ROBO2: variants seen among roughly 807,000 people sequenced by gnomAD.
ROBO2 encodes the protein roundabout guidance receptor 2, also known as roundabout homolog 2.
A neutral mutation model predicts 160.8 loss-of-function variants in ROBO2; 53 were observed. That is an observed-to-expected ratio of 0.33 (90% CI 0.26 to 0.41). The LOEUF (loss-of-function observed/expected upper bound fraction) is 0.41, where lower values mean the gene tolerates loss of function less well. Ranked by LOEUF, ROBO2 falls within the 10% of genes least tolerant of loss-of-function variation. The probability of loss-of-function intolerance (pLI) is 1.00; values close to 1 mark genes in which losing one functional copy is unlikely to be tolerated. For synonymous variants in ROBO2, 664 were observed against 611.7 expected (o/e 1.09, Z -1.26); for missense variants, 1,577 against 1,722.4 (o/e 0.92, Z 1.49).
chr3:77,596,156 T>C (rs1286012990), intron 18 of ROBO2, among the ~76,000 whole-genome samples: 1 of 152,186 alleles, frequency 6.6e-6, no homozygotes, highest in East Asian at 1.9e-4. Context: ...TAATTTCACT[T>C]CAGTTCCTTG....
At chr3:77,488,716 AT>A (rs1041596348) in intron 4 of ROBO2, among the ~76,000 whole-genome samples, 58 of 152,190 alleles carry the variant, frequency 3.8e-4, no homozygotes, top group African/African-American at 1.4e-3. Context: ...CTTCCTTATA[AT>A]TTTTAAAATT....
chr3:77,468,091 C>T (rs1021596072), intron 2 of ROBO2, among the ~76,000 whole-genome samples: 1 of 152,134 alleles, frequency 6.6e-6, no homozygotes, highest in African/African-American at 2.4e-5. Flanking sequence ...ACAGCAATGC[C>T]ACGTGAACAA....
In ROBO2 at chr3:76,478,799, C is replaced by CA. The variant is rs568437525; in HGVS notation, c.109+541199dup. 1.9e-3 allele frequency among the ~76,000 whole-genome samples: 286 copies of CA among 151,728 alleles called. 1 individual carries two copies. Among genetic ancestry groups the CA allele is most frequent in the African/African-American group, 6.7e-3 (278 of 41,346 alleles). Reference sequence around the variant, plus strand: ...AAGCAATCCTCCCACCTTAACCTCCCAAGTAGCTGGGACTACAGGCCTGTC... The same window carrying CA: ...AAGCAATCCTCCCACCTTAACCTCCCAAAGTAGCTGGGACTACAGGCCTGTC... On this transcript the variant is annotated intron_variant, in intron 2 of 26. Transcript: ENST00000487694.
chr3:76,640,017 T>A lies in ROBO2; in HGVS notation c.110-457997T>A, dbSNP rs150694850. On this transcript the variant is annotated intron_variant, in intron 2 of 26. Transcript: ENST00000487694. ...TTTTACGGGGTTATGATTCAGCAAG[T>A]CTGCAGCTACTTTAGGTTTAGCATT... Among the ~76,000 whole-genome samples, 466 of 152,310 alleles carry A rather than the reference T, an allele frequency of 3.1e-3. 4 individuals are homozygous for A. Among genetic ancestry groups the A allele is most frequent in the African/African-American group, 0.011 (454 of 41,568 alleles).
At chr3:75,997,057 T>C (rs2065750204) in intron 2 of ROBO2, among the ~76,000 whole-genome samples, 1 of 152,244 alleles carries the variant, frequency 6.6e-6, no homozygotes, top group Non-Finnish European at 1.5e-5. Context: ...GTCATTTCTT[T>C]ATTTGTCTAT....
intron 2 of ROBO2, among the ~76,000 whole-genome samples, chr3:76,589,439 T>C (rs944840592): frequency 6.6e-6 from 1 of 152,148 alleles, no homozygotes; most frequent in East Asian, 1.9e-4. Flanking sequence ...TAGCTGGGAC[T>C]ACAGGCGCCG....
rs1244769843 is a variant in ROBO2, at chr3:77,527,386, C to T, written c.934+4484C>T. On this transcript the variant is annotated intron_variant, in intron 6 of 25. Coordinates refer to ENST00000461745, the Ensembl canonical transcript of ROBO2. ...TTTCTTTTTTATGTTCTCACCACAC[C>T]ATTGTAATGTCTACAGCTCGCCCTG... The T allele has an allele frequency of 1.6e-6, 2 of 1,287,376 alleles. No homozygotes were observed. The highest frequency in any genetic ancestry group is 2.5e-5 in the South Asian group (2 of 80,846). The allele number at this position is 1,287,376 out of a possible 1,614,324, so 79.7% of individuals were successfully genotyped here. A position where few individuals can be genotyped will look rare whatever the true frequency, so the allele number is the denominator to read the frequency against.
intron 2 of ROBO2, among the ~76,000 whole-genome samples, chr3:77,340,872 T>C (rs1327519450): frequency 6.6e-6 from 1 of 152,104 alleles, no homozygotes; most frequent in African/African-American, 2.4e-5. Context: ...ATCTCAAAGA[T>C]ACTAGGCTGA....
chr3:77,099,071 CTTTTTTTT>C (rs750626067), intron 2 of ROBO2, among the ~76,000 whole-genome samples: 1 of 121,254 alleles, frequency 8.2e-6, no homozygotes, highest in Non-Finnish European at 1.7e-5. Flanking sequence ...TTCTTTCTTT[CTTTTTTTT>C]TTTTTTTTTT....
At chr3:76,801,950 A>G (rs1289861752) in intron 2 of ROBO2, among the ~76,000 whole-genome samples, 3 of 152,082 alleles carry the variant, frequency 2.0e-5, no homozygotes, top group African/African-American at 7.2e-5. Flanking sequence ...GAGGAGAGAG[A>G]GAGATGAGGG....
chr3:76,707,168 A>G (rs2093180971), intron 2 of ROBO2, among the ~76,000 whole-genome samples: 1 of 152,102 alleles, frequency 6.6e-6, no homozygotes, highest in Non-Finnish European at 1.5e-5. Flanking sequence ...AAGCCAGAAG[A>G]GCATTACTCT....
chr3:76,113,008 G>A (rs182618892), intron 2 of ROBO2, among the ~76,000 whole-genome samples: 56 of 152,100 alleles, frequency 3.7e-4, no homozygotes, highest in Admixed American at 1.1e-3. Flanking sequence ...GCATGAATCG[G>A]TTGACACAAT....
rs575587879 is a variant in ROBO2, at chr3:76,698,023, G to T, written c.110-399991G>T. Among the ~76,000 whole-genome samples the T allele has an allele frequency of 2.4e-3, 370 of 152,300 alleles. 1 individual carries two copies. The highest frequency in any genetic ancestry group is 8.5e-3 in the African/African-American group (351 of 41,538). ...GCTCTTCTATTTTATTCATTGGTTG[G>T]AAGAATTGGATGTAGAATGCCTGTA... On this transcript the variant is annotated intron_variant, in intron 2 of 26. Transcript: ENST00000487694.
chr3:76,390,699 A>G (rs1017270604), intron 2 of ROBO2, among the ~76,000 whole-genome samples: 3 of 152,168 alleles, frequency 2.0e-5, no homozygotes, highest in Non-Finnish European at 2.9e-5. Context: ...CTGTCACGGA[A>G]GTGTGGAGCC....
At chr3:76,230,415 T>G (rs1283487380) in intron 2 of ROBO2, among the ~76,000 whole-genome samples, 1 of 152,208 alleles carries the variant, frequency 6.6e-6, no homozygotes, top group Non-Finnish European at 1.5e-5. Context: ...AATTGTCAAA[T>G]TAACAACTGC....
intron 2 of ROBO2, among the ~76,000 whole-genome samples, chr3:76,599,595 T>G (rs1301522877): frequency 6.6e-6 from 1 of 152,202 alleles, no homozygotes; most frequent in Non-Finnish European, 1.5e-5. Flanking sequence ...AAATGTTATT[T>G]CTATCTTTAG....
rs189596409 is a variant in ROBO2, at chr3:77,527,938, A to C, written c.934+5036A>C. 1.3e-4 allele frequency among the ~76,000 whole-genome samples: 19 copies of C among 151,718 alleles called. 1 individual carries two copies. Among genetic ancestry groups the C allele is most frequent in the East Asian group, 7.8e-4 (4 of 5,134 alleles). On this transcript the variant is annotated intron_variant, in intron 6 of 25. Coordinates refer to ENST00000461745, the Ensembl canonical transcript of ROBO2. ...AAATTAAGTAAAATGTTTTAAGTAG[A>C]TGCTTACCCTAAGTGGGGGAGGGAT...
At chr3:76,437,250 A>G (rs1419666790) in intron 2 of ROBO2, among the ~76,000 whole-genome samples, 2 of 152,204 alleles carry the variant, frequency 1.3e-5, no homozygotes, top group Non-Finnish European at 1.5e-5. Context: ...TTTTATATAA[A>G]GGAATCACAT....
intron 2 of ROBO2, among the ~76,000 whole-genome samples, chr3:77,184,027 A>AAAC (rs10675042): frequency 0.088 from 13,330 of 151,962 alleles, 721 homozygotes; most frequent in African/African-American, 0.15. Flanking sequence ...AGATACCATG[A>AAAC]AACAACTGAA....
Sources: gnomAD v4.1 joint callset for allele counts (sites outside exome capture counted in the v4.1 genomes callset) on GRCh38, gnomAD v4.1.1 for gene constraint, MANE v1.5 for transcripts, NCBI Gene and HGNC (gene_info 2026-07-23, HGNC 2026-07-21) for gene names.